LDLRAP1: variants seen among roughly 807,000 people sequenced by gnomAD.
The protein encoded by LDLRAP1 is low density lipoprotein receptor adaptor protein 1.
LDLRAP1 carries 30 observed loss-of-function variants against 37.8 expected under a neutral mutation model. The observed-to-expected ratio is 0.79, with a 90% CI of 0.59 to 1.08. The LOEUF (loss-of-function observed/expected upper bound fraction) is 1.08. Among genes scored for constraint, LDLRAP1 ranks in the 50% least tolerant of loss-of-function variants. The pLI, the probability that LDLRAP1 is intolerant of heterozygous loss-of-function variation, is 0.00. For missense variants in LDLRAP1, 375 were observed against 401.6 expected (o/e 0.93, Z 0.57); for synonymous variants, 156 against 169.8 (o/e 0.92, Z 0.63).
intron 6 of LDLRAP1, 117 bp downstream of exon 6, chr1:25,563,270 T>G: frequency 1.3e-6 from 1 of 748,586 alleles, no homozygotes; most frequent in Non-Finnish European, 2.2e-6. Context: ...TTGTGTTTTG[T>G]TAAATAAATA....
Position 25,567,073 on chromosome 1 carries a change from G to GCC in LDLRAP1, c.*83_*84dup. The GCC allele has an allele frequency of 6.5e-7, 1 of 1,537,710 alleles. No homozygotes were observed. The highest frequency in any genetic ancestry group is 2.3e-5 in the East Asian group (1 of 44,020). ...CTGCTGCGGGGGAGCCAGTTCTGGGGCCCGCCTGCCACCTCTCCCAGCCCT... is the reference window on the plus strand; with the variant it reads ...CTGCTGCGGGGGAGCCAGTTCTGGGGCCCCCGCCTGCCACCTCTCCCAGCCCT... On this transcript the variant is annotated 3_prime_UTR_variant, in exon 9 of 9. Transcript: ENST00000374338.
chr1:25,565,449 T>G, intron 8 of LDLRAP1, among the ~76,000 whole-genome samples: 1 of 152,146 alleles, frequency 6.6e-6, no homozygotes, highest in Non-Finnish European at 1.5e-5. Flanking sequence ...AAACTATTCC[T>G]GGTGGCTGCT....
At position 25,568,500 on chromosome 1, in the gene LDLRAP1, C is replaced by G. The variant is rs866288623; in HGVS notation, c.*1508C>G. On this transcript the variant is annotated 3_prime_UTR_variant, in exon 9 of 9. Coordinates refer to ENST00000374338, the MANE Select transcript of LDLRAP1 (RefSeq NM_015627.3). Reference sequence around the variant, plus strand: ...CAAGTTTCATCAGCCCTAGGGAAAACACGGCCCTCCTGGGAACCTCCTTAC... The same window carrying G: ...CAAGTTTCATCAGCCCTAGGGAAAAGACGGCCCTCCTGGGAACCTCCTTAC... 1 of 152,246 alleles carries G rather than the reference C, an allele frequency of 6.6e-6. No homozygotes were observed. The highest frequency in any genetic ancestry group is 6.5e-5 in the Admixed American group (1 of 15,284). The allele number at this position is 152,246 out of a possible 1,614,324, so 9.4% of individuals were successfully genotyped here. A position where few individuals can be genotyped will look rare whatever the true frequency, so the allele number is the denominator to read the frequency against.
chr1:25,557,315 G>A, intron 4 of LDLRAP1, 48 bp downstream of exon 4: 1 of 1,465,930 alleles, frequency 6.8e-7, no homozygotes, highest in Non-Finnish European at 9.6e-7. Flanking sequence ...GGCCTTGGCA[G>A]CCTTGCTCTG....
chr1:25,562,426 C>T (rs1433600273), intron 4 of LDLRAP1, among the ~76,000 whole-genome samples: 2 of 152,198 alleles, frequency 1.3e-5, no homozygotes, highest in African/African-American at 2.4e-5. Flanking sequence ...ACTGCCTCTG[C>T]GAGGCTATGG....
In LDLRAP1 at chr1:25,567,017, G is replaced by A. The variant is rs750612376; in HGVS notation, c.*25G>A. 4.3e-6 allele frequency: 7 copies of A among 1,612,886 alleles called. No homozygotes were observed. The South Asian group carries it at 4.4e-5, about 10-fold the overall frequency. ...AGGGCCCGGGGCCAGCCGGACACAA[G>A]CGGCCCTGACACGTGATGGACCAAA... On this transcript the variant is annotated 3_prime_UTR_variant, in exon 9 of 9. Coordinates refer to ENST00000374338, the MANE Select transcript of LDLRAP1 (RefSeq NM_015627.3).
At chr1:25,575,423 TA>T in the LDLRAP1 span, among the ~76,000 whole-genome samples, 26,505 of 108,418 alleles carry the variant, frequency 0.24, 2,891 homozygotes, top group East Asian at 0.44. Flanking sequence ...CTGTCTCTAC[TA>T]AAAAAAAAAA....
intron 1 of LDLRAP1, among the ~76,000 whole-genome samples, chr1:25,551,554 T>A (rs1427940633): frequency 6.6e-6 from 1 of 152,232 alleles, no homozygotes; most frequent in Non-Finnish European, 1.5e-5. Context: ...AGCGCTGTTT[T>A]TCCCTGATGA....
chr1:25,574,341 G>A, the LDLRAP1 span, among the ~76,000 whole-genome samples: 2 of 152,230 alleles, frequency 1.3e-5, no homozygotes, highest in Non-Finnish European at 2.9e-5. Context: ...GCACAGCCAG[G>A]GGCAATGCAG....
chr1:25,564,076 G>T, intron 7 of LDLRAP1: 1 of 459,392 alleles, frequency 2.2e-6, no homozygotes, highest in Non-Finnish European at 4.0e-6. Flanking sequence ...ACCAGCCAAA[G>T]GCGCCCTTGT....
intron 4 of LDLRAP1, among the ~76,000 whole-genome samples, chr1:25,561,325 C>T (rs1190119632): frequency 6.6e-6 from 1 of 152,220 alleles, no homozygotes; most frequent in Non-Finnish European, 1.5e-5. Context: ...AGTGCCTGTA[C>T]TTCCATCAAA....
At chr1:25,556,517 C>G (rs2044204404) in intron 3 of LDLRAP1, among the ~76,000 whole-genome samples, 1 of 152,196 alleles carries the variant, frequency 6.6e-6, no homozygotes, top group Non-Finnish European at 1.5e-5. Flanking sequence ...GTCCCAGTCA[C>G]CCTGAGAGAG....
At chr1:25,562,941 C>CT in intron 5 of LDLRAP1, 129 bp from the exon 6 acceptor site, 1 of 963,488 alleles carries the variant, frequency 1.0e-6, no homozygotes, top group Non-Finnish European at 1.7e-6. Context: ...CGAAAGGTTT[C>CT]TTTCCTCCCG....
chr1:25,574,954 G>A, the LDLRAP1 span, among the ~76,000 whole-genome samples: 3 of 152,144 alleles, frequency 2.0e-5, no homozygotes, highest in Non-Finnish European at 2.9e-5. Context: ...TTCTTGGAAC[G>A]AATGGAAACA....
rs1282084941 is a variant in LDLRAP1, at chr1:25,544,322, G to A, written c.88+536G>A. 1.3e-5 allele frequency among the ~76,000 whole-genome samples: 2 copies of A among 152,194 alleles called. No individual in the cohort carries two copies. Among genetic ancestry groups the A allele is most frequent in the African/African-American group, 4.8e-5 (2 of 41,472 alleles). On this transcript the variant is annotated intron_variant, in intron 1 of 8. Transcript: ENST00000374338. This position sits in a 1 kb window ranked among gnomAD's most constrained non-coding sequence, Gnocchi z 4.8. ...TCCGGGTGCCCAGACACCCATCCAG[G>A]TGTGAGCCCGGGGTCGCAGGTACGT...
chr1:25,589,074 C>G, the LDLRAP1 span, among the ~76,000 whole-genome samples: 3 of 152,050 alleles, frequency 2.0e-5, no homozygotes, highest in South Asian at 2.1e-4. Context: ...GAGGCCGAGG[C>G]GGGGGGATCA....
intron 3 of LDLRAP1, among the ~76,000 whole-genome samples, chr1:25,556,419 G>C (rs2044201500): frequency 6.6e-6 from 1 of 152,186 alleles, no homozygotes; most frequent in South Asian, 2.1e-4. Flanking sequence ...CGGGCCCACT[G>C]GGGCTCCTTG....
At chr1:25,565,228 T>C in intron 8 of LDLRAP1, 21 bp downstream of exon 8, 1 of 1,613,930 alleles carries the variant, frequency 6.2e-7, no homozygotes, top group East Asian at 2.2e-5. Flanking sequence ...CTTCCTGTGC[T>C]GGGTAGGGGG....
chr1:25,553,572 C>T, intron 1 of LDLRAP1: 2 of 339,286 alleles, frequency 5.9e-6, no homozygotes, highest in South Asian at 5.4e-5. Context: ...TGACAGCAGA[C>T]CCAGCACGGT....
Sources: allele counts gnomAD v4.1 joint callset (sites outside exome capture counted in the v4.1 genomes callset), GRCh38; gene constraint gnomAD v4.1.1; non-coding constraint Gnocchi (gnomAD v3.1); transcripts MANE v1.5; gene names NCBI Gene and HGNC (gene_info 2026-07-23, HGNC 2026-07-21).